CCDC170: variants seen among roughly 807,000 people sequenced by gnomAD.
The protein encoded by CCDC170 is coiled-coil domain-containing protein 170.
Under a neutral mutation model 72.6 loss-of-function variants are expected in CCDC170, and 69 were observed. That is an observed-to-expected ratio of 0.95 (90% CI 0.78 to 1.16). CCDC170 has a LOEUF of 1.16. Ranked by LOEUF, CCDC170 falls within the 50% of genes most tolerant of loss-of-function variation. The pLI, the probability that CCDC170 is intolerant of heterozygous loss-of-function variation, is 0.00. For missense variants in CCDC170, 852 were observed against 832.5 expected (o/e 1.02, Z -0.29); for synonymous variants, 300 against 303.9 (o/e 0.99, Z 0.13).
intron 9 of CCDC170, among the ~76,000 whole-genome samples, chr6:151,610,476 G>T (rs902509379): frequency 1.3e-5 from 2 of 152,186 alleles, no homozygotes; most frequent in African/African-American, 2.4e-5. Context: ...GAGAGAGAGA[G>T]ATGTTTTATT....
In CCDC170 at chr6:151,620,268, G is replaced by A. The variant is rs1322302496; in HGVS notation, c.*2121G>A. Reference sequence around the variant, plus strand: ...AAGAAAGCGAATGAATTTGACACCTGTTGGTTGGATGACAGACCACACAGA... The same window carrying A: ...AAGAAAGCGAATGAATTTGACACCTATTGGTTGGATGACAGACCACACAGA... On this transcript the variant is annotated 3_prime_UTR_variant, in exon 11 of 11. Transcript: ENST00000239374. 1.3e-5 allele frequency: 2 copies of A among 152,008 alleles called. No individual in the cohort carries two copies. The highest frequency in any genetic ancestry group is 3.9e-4 in the East Asian group (2 of 5,180). 9.4% of individuals were successfully genotyped at this position (152,008 alleles called of 1,614,324 possible). A position where few individuals can be genotyped will look rare whatever the true frequency, so the allele number is the denominator to read the frequency against.
Position 151,542,270 on chromosome 6 carries a change from GAGTGC to G in CCDC170, c.444-2297_444-2293del, listed in dbSNP as rs370401380. Among the ~76,000 whole-genome samples, 600 of 152,234 alleles carry G rather than the reference GAGTGC, an allele frequency of 3.9e-3. 5 individuals carry two copies. Among genetic ancestry groups the G allele is most frequent in the African/African-American group, 0.014 (563 of 41,536 alleles). The stretch of plus-strand genomic sequence containing the variant: ...GGTTTTCACTCTGCCACCCAGGCTG[GAGTGC>G]AGTGGCACAATTATGGCTCACTGCA... On this transcript the variant is annotated intron_variant, in intron 3 of 10. Transcript: ENST00000239374.
chr6:151,563,995 G>A (rs1776088663), intron 5 of CCDC170, among the ~76,000 whole-genome samples: 1 of 152,144 alleles, frequency 6.6e-6, no homozygotes, highest in Non-Finnish European at 1.5e-5. Context: ...TTCTTTCTGA[G>A]GAGAACTGGC....
Position 151,605,775 on chromosome 6 carries a change from CT to C in CCDC170, c.1710+9199del, listed in dbSNP as rs533236083. 4.2e-3 allele frequency among the ~76,000 whole-genome samples: 646 copies of C among 152,218 alleles called. 25 individuals are homozygous for C. The highest frequency in any genetic ancestry group is 7.3e-4 in the Non-Finnish European group (50 of 68,036). On this transcript the variant is annotated intron_variant, in intron 9 of 10. Transcript: ENST00000239374. ...TTTCACTTCTCTCTGGCTCCAGGAA[CT>C]GTCTCATCTTTATATTTGAGTTCTG...
At chr6:151,526,095 T>TTCCTTC (rs1562271394) in intron 1 of CCDC170, among the ~76,000 whole-genome samples, 2,323 of 145,678 alleles carry the variant, frequency 0.016, 72 homozygotes, top group African/African-American at 0.058. Flanking sequence ...TTCCTTCCTT[T>TTCCTTC]CTTCCTTCCT....
At chr6:151,513,919 C>CAAAAAAAAAAAAAA (rs58387477) in intron 1 of CCDC170, among the ~76,000 whole-genome samples, 4 of 51,198 alleles carry the variant, frequency 7.8e-5, no homozygotes, top group Admixed American at 2.4e-4. Flanking sequence ...GACCCTGTCT[C>CAAAAAAAAAAAAAA]AAAAAAAAAA....
At chr6:151,529,349 T>A (rs9479058) in intron 1 of CCDC170, among the ~76,000 whole-genome samples, 15,575 of 152,196 alleles carry the variant, frequency 0.1, 1,468 homozygotes, top group African/African-American at 0.24. Flanking sequence ...ATCCTCATCC[T>A]TCTTGCTGCT....
At chr6:151,562,072 C>G (rs879935808) in intron 5 of CCDC170, among the ~76,000 whole-genome samples, 4 of 151,906 alleles carry the variant, frequency 2.6e-5, no homozygotes, top group African/African-American at 4.8e-5. Flanking sequence ...TTGAGCAATT[C>G]TATTTGTCTT....
chr6:151,606,633 C>T (rs1384585196), intron 9 of CCDC170, among the ~76,000 whole-genome samples: 1 of 152,140 alleles, frequency 6.6e-6, no homozygotes, highest in South Asian at 2.1e-4. Context: ...TTAATTAGGT[C>T]AAATTGTTCC....
At chr6:151,591,373 G>C (rs1776531889) in intron 7 of CCDC170, among the ~76,000 whole-genome samples, 1 of 152,110 alleles carries the variant, frequency 6.6e-6, no homozygotes, top group African/African-American at 2.4e-5. Flanking sequence ...ATAAACCACG[G>C]AAATCAAGCA....
Position 151,536,441 on chromosome 6 carries a change from T to C in CCDC170, c.181T>C (p.Ser61Pro), listed in dbSNP as rs749422970. ...TTTGGTCAAATTTGAATGTGCTCAG[T>C]CTGAGGTAAGATAATGCATTTCCAG... ...ATLVKFECAQ[S>P]ELQDLRSKML... is the part of the protein sequence containing the mutation. Residue 61 changes from serine (S) to proline (P), a missense_variant, in exon 2 of 11, where the codon TCT (serine) becomes CCT (proline). By Grantham distance (74) the Ser-to-Pro change is moderately conservative. Transcript: ENST00000239374. 10 of 1,613,966 alleles carry C rather than the reference T, an allele frequency of 6.2e-6. No individual in the cohort carries two copies. The South Asian group carries it at 1.1e-4, about 18-fold the overall frequency.
At position 151,544,817 on chromosome 6, in the gene CCDC170, G is replaced by A; in HGVS notation, c.588+101G>A. Reference sequence around the variant, plus strand: ...TTGAGTTTGGGGGTGGCAGGAGAATGGCACAGTAGACCAAGTGTAGTATTA... The same window carrying A: ...TTGAGTTTGGGGGTGGCAGGAGAATAGCACAGTAGACCAAGTGTAGTATTA... On this transcript the variant is annotated intron_variant, in intron 4 of 10. Coordinates refer to ENST00000239374, the MANE Select transcript of CCDC170 (RefSeq NM_025059.4). The A allele has an allele frequency of 5.2e-6, 6 of 1,144,302 alleles. No homozygotes were observed. The South Asian group carries it at 9.5e-5, about 18-fold the overall frequency. The allele number at this position is 1,144,302 out of a possible 1,614,324, so 70.9% of individuals were successfully genotyped here. A position where few individuals can be genotyped will look rare whatever the true frequency, so the allele number is the denominator to read the frequency against.
chr6:151,545,325 A>G (rs908752923), intron 4 of CCDC170, among the ~76,000 whole-genome samples: 8 of 152,158 alleles, frequency 5.3e-5, no homozygotes. Flanking sequence ...AGGCTGAGAC[A>G]GGAGAATCAC....
At chr6:151,592,935 C>A (rs961295900) in intron 7 of CCDC170, 172 bp from the exon 8 acceptor site, 7 of 649,848 alleles carry the variant, frequency 1.1e-5, no homozygotes, top group African/African-American at 7.3e-5. Context: ...AGGGAACTGG[C>A]AGGGTGGTTC....
intron 7 of CCDC170, among the ~76,000 whole-genome samples, chr6:151,587,006 G>C (rs953461527): frequency 2.0e-5 from 3 of 151,932 alleles, no homozygotes; most frequent in Non-Finnish European, 2.9e-5. Context: ...GGGTGGTCTC[G>C]ATCTCCTGAC....
At chr6:151,541,923 A>G (rs1453300032) in intron 3 of CCDC170, among the ~76,000 whole-genome samples, 1 of 147,530 alleles carries the variant, frequency 6.8e-6, no homozygotes, top group Non-Finnish European at 1.5e-5. Context: ...TTTGTCACCC[A>G]GGCTGGAGTG....
At chr6:151,508,403 G>T (rs113642355) in intron 1 of CCDC170, among the ~76,000 whole-genome samples, 2 of 150,538 alleles carry the variant, frequency 1.3e-5, no homozygotes, top group African/African-American at 2.5e-5. Flanking sequence ...CAGGCATAGT[G>T]GGGGGGCGCC....
intron 6 of CCDC170, among the ~76,000 whole-genome samples, chr6:151,577,005 A>G (rs917670442): frequency 1.3e-5 from 2 of 152,012 alleles, no homozygotes; most frequent in Non-Finnish European, 1.5e-5. Flanking sequence ...TGTGTTTGCA[A>G]TTCTCAGTAG....
chr6:151,566,088 T>G (rs1776132985), intron 5 of CCDC170, among the ~76,000 whole-genome samples: 1 of 152,222 alleles, frequency 6.6e-6, no homozygotes, highest in Non-Finnish European at 1.5e-5. Context: ...AGTACTGATT[T>G]TGTCAATGTT....
Sources: gnomAD v4.1 joint callset for allele counts (sites outside exome capture counted in the v4.1 genomes callset) on GRCh38, gnomAD v4.1.1 for gene constraint, MANE v1.5 for transcripts, NCBI Gene and HGNC (gene_info 2026-07-23, HGNC 2026-07-21) for gene names.